RAB27B: variants seen among roughly 807,000 people sequenced by gnomAD.
The protein encoded by RAB27B is RAB27B, member RAS oncogene family, also known as ras-related protein Rab-27B.
RAB27B carries 15 observed loss-of-function variants against 24.6 expected under a neutral mutation model. The observed-to-expected ratio is 0.61, with a 90% CI of 0.41 to 0.94. The LOEUF is 0.94. Among genes scored for constraint, RAB27B ranks in the 40% least tolerant of loss-of-function variants. The pLI is 0.00. For synonymous variants in RAB27B, 105 were observed against 92.5 expected (o/e 1.14, Z -0.78); for missense variants, 261 against 266.8 (o/e 0.98, Z 0.15).
At chr18:54,742,051 A>T (rs1166335836) in intron 2 of RAB27B, among the ~76,000 whole-genome samples, 1 of 152,216 alleles carries the variant, frequency 6.6e-6, no homozygotes, top group African/African-American at 2.4e-5. Context: ...TGTAAAAGTT[A>T]ATGCAGCTTT....
chr18:54,763,084 C>T (rs1403534593), intron 2 of RAB27B, among the ~76,000 whole-genome samples: 6 of 151,972 alleles, frequency 3.9e-5, no homozygotes, highest in South Asian at 4.2e-4. Flanking sequence ...TTTAAAGCAA[C>T]GCTTAAAGTT....
intron 1 of RAB27B, among the ~76,000 whole-genome samples, chr18:54,848,019 G>A (rs1050732857): frequency 2.0e-5 from 3 of 152,188 alleles, no homozygotes; most frequent in South Asian, 2.1e-4. Context: ...TTCAGAAAAC[G>A]GAAGTGAGGT....
At chr18:54,798,157 C>T (rs1007977668) in intron 2 of RAB27B, among the ~76,000 whole-genome samples, 1 of 152,146 alleles carries the variant, frequency 6.6e-6, no homozygotes, top group African/African-American at 2.4e-5. Flanking sequence ...ATTCCTTCTT[C>T]CCATTGGTTA....
intron 2 of RAB27B, among the ~76,000 whole-genome samples, chr18:54,748,696 T>C (rs1390060834): frequency 6.6e-6 from 1 of 152,082 alleles, no homozygotes; most frequent in Non-Finnish European, 1.5e-5. Context: ...TCACAAACAG[T>C]GGTGATGGGG....
intron 2 of RAB27B, among the ~76,000 whole-genome samples, chr18:54,796,053 A>G (rs1471924338): frequency 6.6e-6 from 1 of 152,150 alleles, no homozygotes; most frequent in African/African-American, 2.4e-5. Context: ...GCAAACACTG[A>G]TCTGCTTTCT....
chr18:54,883,538 TG>T (rs1357976358), intron 3 of RAB27B, among the ~76,000 whole-genome samples: 1 of 152,112 alleles, frequency 6.6e-6, no homozygotes, highest in Non-Finnish European at 1.5e-5. Context: ...CTTATTGAAG[TG>T]AATCTCAGCA....
intron 1 of RAB27B, among the ~76,000 whole-genome samples, chr18:54,851,062 G>A (rs1268168598): frequency 2.0e-5 from 3 of 152,092 alleles, no homozygotes; most frequent in African/African-American, 7.2e-5. Context: ...TGCAACAGGA[G>A]GTTGCTAATA....
intron 2 of RAB27B, among the ~76,000 whole-genome samples, chr18:54,759,052 A>G (rs565009111): frequency 1.8e-4 from 28 of 152,332 alleles, no homozygotes; most frequent in East Asian, 1.3e-3. Flanking sequence ...TTTGTATTCT[A>G]TCAGTGAGAA....
At chr18:54,743,888 C>T (rs1028424145) in intron 2 of RAB27B, among the ~76,000 whole-genome samples, 7 of 152,152 alleles carry the variant, frequency 4.6e-5, no homozygotes, top group East Asian at 1.9e-4. Context: ...GGAAATCGAC[C>T]GTAAGGGAGG....
At chr18:54,848,556 C>T (rs896760923) in intron 1 of RAB27B, among the ~76,000 whole-genome samples, 1 of 152,108 alleles carries the variant, frequency 6.6e-6, no homozygotes, top group Admixed American at 6.6e-5. Context: ...CATTCAGTTC[C>T]TTTAGTTTTT....
chr18:54,766,477 G>GT (rs1001483554), intron 2 of RAB27B, among the ~76,000 whole-genome samples: 76 of 150,066 alleles, frequency 5.1e-4, no homozygotes, highest in East Asian at 1.2e-3. Flanking sequence ...TTTTGTTTTT[G>GT]TTTTTTTTTA....
intron 2 of RAB27B, among the ~76,000 whole-genome samples, chr18:54,760,718 A>C (rs1908159305): frequency 6.6e-6 from 1 of 152,176 alleles, no homozygotes; most frequent in Non-Finnish European, 1.5e-5. Flanking sequence ...GATCATGAAA[A>C]GGGGAAGAAC....
At chr18:54,868,441 C>G (rs1912329166) in intron 1 of RAB27B, among the ~76,000 whole-genome samples, 1 of 152,084 alleles carries the variant, frequency 6.6e-6, no homozygotes, top group Non-Finnish European at 1.5e-5. Flanking sequence ...TGAATTAAAC[C>G]TTTTTTCTTT....
rs549152506 is a variant in RAB27B at position 54,727,708 on chromosome 18, A to AT, written c.-20+9573dup. Among the ~76,000 whole-genome samples the AT allele has an allele frequency of 2.5e-3, 377 of 152,256 alleles. 2 individuals carry two copies. The highest frequency in any genetic ancestry group is 8.6e-3 in the African/African-American group (358 of 41,552). ...ATAATCACATGCATTACTATAAATT[A>AT]TTTTTTCCTTTTAATATAGTCAGGA... On this transcript the variant is annotated intron_variant, in intron 2 of 4. Coordinates refer to the RAB27B transcript ENST00000586570.
chr18:54,754,850 G>C (rs1907952497), intron 2 of RAB27B, among the ~76,000 whole-genome samples: 1 of 152,092 alleles, frequency 6.6e-6, no homozygotes, highest in African/African-American at 2.4e-5. Flanking sequence ...TGTTTCCTGA[G>C]TTGTAAATAT....
intron 2 of RAB27B, among the ~76,000 whole-genome samples, chr18:54,809,407 C>T (rs1037691720): frequency 1.3e-5 from 2 of 152,148 alleles, no homozygotes; most frequent in Non-Finnish European, 2.9e-5. Context: ...GACCACATGC[C>T]TCAGGGAGCA....
At chr18:54,749,147 T>A (rs1482386985) in intron 2 of RAB27B, among the ~76,000 whole-genome samples, 3 of 152,142 alleles carry the variant, frequency 2.0e-5, no homozygotes, top group Non-Finnish European at 4.4e-5. Flanking sequence ...CTGATGAGGT[T>A]TCTAGGGAAG....
chr18:54,728,489 A>G (rs1351482632), intron 2 of RAB27B, among the ~76,000 whole-genome samples: 1 of 152,176 alleles, frequency 6.6e-6, no homozygotes, highest in Non-Finnish European at 1.5e-5. Flanking sequence ...AACTGGGAAA[A>G]TTATCAAGTG....
At chr18:54,756,141 A>T (rs532261051) in intron 2 of RAB27B, among the ~76,000 whole-genome samples, 2 of 152,218 alleles carry the variant, frequency 1.3e-5, no homozygotes, top group African/African-American at 4.8e-5. Flanking sequence ...TGAGGTGATA[A>T]TTGATTTTTC....
Sources: allele counts gnomAD v4.1 joint callset (sites outside exome capture counted in the v4.1 genomes callset), GRCh38; gene constraint gnomAD v4.1.1; transcripts MANE v1.5; gene names NCBI Gene and HGNC (gene_info 2026-07-23, HGNC 2026-07-21).